RAE1: variants seen among roughly 807,000 people sequenced by gnomAD.
The protein encoded by RAE1 is mRNA export factor RAE1.
A neutral mutation model predicts 52.7 loss-of-function variants in RAE1; 13 were observed. The ratio of observed to expected loss-of-function variants is 0.25; its 90% CI spans 0.16 to 0.39. The LOEUF is 0.39. Among genes scored for constraint, RAE1 ranks in the 10% least tolerant of loss-of-function variants. RAE1 has a pLI of 1.00. For synonymous variants in RAE1, 164 were observed against 153.1 expected (o/e 1.07, Z -0.52); for missense variants, 262 against 459.8 (o/e 0.57, Z 3.93).
intron 11 of RAE1, among the ~76,000 whole-genome samples, chr20:57,376,507 T>G (rs560287368): frequency 1.9e-4 from 29 of 152,230 alleles, no homozygotes; most frequent in Non-Finnish European, 3.1e-4. Context: ...CGCCCCAGCT[T>G]CTTTCCCTCA....
At chr20:57,364,201 G>A (rs1214782220) in intron 4 of RAE1, among the ~76,000 whole-genome samples, 3 of 152,234 alleles carry the variant, frequency 2.0e-5, no homozygotes, top group African/African-American at 4.8e-5. Context: ...TGCAGTTGAA[G>A]CAGGTAGACT....
intron 8 of RAE1, among the ~76,000 whole-genome samples, chr20:57,370,639 T>G (rs2067022899): frequency 6.6e-6 from 1 of 152,232 alleles, no homozygotes; most frequent in African/African-American, 2.4e-5. Flanking sequence ...ATTCTGTAGC[T>G]CTTTATTCAC....
At chr20:57,353,948 T>C in intron 1 of RAE1, 84 bp from the exon 2 acceptor site, 1 of 1,235,924 alleles carries the variant, frequency 8.1e-7, no homozygotes, top group Non-Finnish European at 1.2e-6. Context: ...TGAGTATTTC[T>C]CTTCTGCCAG....
At chr20:57,377,022 GT>G (rs1363505894) in intron 11 of RAE1, among the ~76,000 whole-genome samples, 2 of 152,146 alleles carry the variant, frequency 1.3e-5, no homozygotes, top group Non-Finnish European at 2.9e-5. Context: ...ATTGTTCTTA[GT>G]TCAAGGACAG....
At chr20:57,376,257 C>G (rs1162221368) in intron 11 of RAE1, among the ~76,000 whole-genome samples, 2 of 152,176 alleles carry the variant, frequency 1.3e-5, no homozygotes, top group South Asian at 4.1e-4. Context: ...TTTAAAGCAA[C>G]TTTATTGAGG....
intron 8 of RAE1, 81 bp downstream of exon 8, chr20:57,368,893 T>TGAGC: frequency 8.5e-7 from 1 of 1,181,288 alleles, no homozygotes; most frequent in Non-Finnish European, 1.2e-6. Flanking sequence ...AATACAGTTG[T>TGAGC]ACTTTGTAAA....
chr20:57,374,510 G>C, intron 10 of RAE1, 97 bp from the exon 11 acceptor site: 2 of 1,108,170 alleles, frequency 1.8e-6, no homozygotes, highest in Non-Finnish European at 2.6e-6. Context: ...ATGTACCTGT[G>C]CGCTTTGTTT....
chr20:57,363,546 A>AT (rs1457904278), intron 4 of RAE1, among the ~76,000 whole-genome samples: 2 of 152,154 alleles, frequency 1.3e-5, no homozygotes, highest in Non-Finnish European at 2.9e-5. Flanking sequence ...GCACATCCCT[A>AT]TAGTCCTAGC....
intron 7 of RAE1, 23 bp from the exon 8 acceptor site, chr20:57,368,682 C>G (rs761143767): frequency 6.5e-6 from 10 of 1,541,704 alleles, no homozygotes; most frequent in Admixed American, 5.0e-5. Context: ...TGAAGCGCAT[C>G]TCTGTTTTCT....
chr20:57,377,584 G>A (rs2067134320), intron 11 of RAE1, among the ~76,000 whole-genome samples: 1 of 152,172 alleles, frequency 6.6e-6, no homozygotes, highest in South Asian at 2.1e-4. Context: ...CTCCGTGTCT[G>A]TTGCTCCTTC....
At chr20:57,358,011 C>T (rs563443543) in intron 4 of RAE1, 32 of 152,278 alleles carry the variant, frequency 2.1e-4, no homozygotes, top group African/African-American at 7.5e-4. Flanking sequence ...GAATTAGATG[C>T]TCATCCTGAT....
rs1004649965 is a variant in RAE1 at position 57,375,111 on chromosome 20, G to A, written c.1020+310G>A. ...CACTTTATGAAGGGGGTGGCAGGGC[G>A]GGTCATGGAGCTTTCGCCTGGGTGC... On this transcript the variant is annotated intron_variant, in intron 11 of 11. Coordinates refer to ENST00000395841, the MANE Select transcript of RAE1 (RefSeq NM_003610.4). 7.8e-5 allele frequency: 52 copies of A among 663,362 alleles called. 1 individual carries two copies. The East Asian group carries it at 1.1e-3, about 14-fold the overall frequency. The allele number at this position is 663,362 out of a possible 1,614,324, so 41.1% of individuals were successfully genotyped here. A position where few individuals can be genotyped will look rare whatever the true frequency, so the allele number is the denominator to read the frequency against.
chr20:57,368,846 T>C (rs777615098), intron 8 of RAE1, 34 bp downstream of exon 8: 1 of 1,521,348 alleles, frequency 6.6e-7, no homozygotes, highest in South Asian at 1.1e-5. Context: ...AGTATGTATT[T>C]AGCACCTGTT....
rs777490463 is a variant in RAE1, at chr20:57,373,748, T to TA, written c.825+11dup. 1 of 1,609,958 alleles carries TA rather than the reference T, an allele frequency of 6.2e-7. No homozygotes were observed. Among genetic ancestry groups the TA allele is most frequent in the Non-Finnish European group, 8.5e-7 (1 of 1,176,328 alleles). ...TCAGGACATTTATGCGGTACGTTTT[T>TA]AGACACTTTAACCGTGGTAATACAT... On this transcript the variant is annotated intron_variant, in intron 10 of 11. Transcript: ENST00000395841.
intron 7 of RAE1, 88 bp downstream of exon 7, chr20:57,367,167 G>C (rs1185895767): frequency 1.1e-5 from 13 of 1,149,962 alleles, no homozygotes; most frequent in African/African-American, 3.1e-5. Context: ...GTTAGTGAGT[G>C]GATAATATAA....
Position 57,378,199 on chromosome 20 carries a change from A to G in RAE1, c.*100A>G, listed in dbSNP as rs2067143538. ...CCTTGTTGGGTTGTCAGCCATGGAC[A>G]TGGATTTCAACCCCTGGAGAAAACG... is the stretch of plus-strand genomic sequence containing the variant. On this transcript the variant is annotated 3_prime_UTR_variant, in exon 12 of 12. Coordinates refer to ENST00000395841, the MANE Select transcript of RAE1 (RefSeq NM_003610.4). The G allele has an allele frequency of 6.1e-6, 6 of 988,866 alleles. No homozygotes were observed. The highest frequency in any genetic ancestry group is 1.6e-5 in the South Asian group (1 of 62,296). 61.3% of individuals were successfully genotyped at this position (988,866 alleles called of 1,614,324 possible). A position where few individuals can be genotyped will look rare whatever the true frequency, so the allele number is the denominator to read the frequency against.
intron 3 of RAE1, 57 bp downstream of exon 3, chr20:57,354,873 T>G: frequency 7.6e-7 from 1 of 1,308,960 alleles, no homozygotes; most frequent in East Asian, 2.6e-5. Flanking sequence ...TGGCCAAGGT[T>G]AGCTTTAGCT....
At chr20:57,356,357 T>C (rs13041954) in intron 3 of RAE1, 89 bp from the exon 4 acceptor site, 2 of 959,656 alleles carry the variant, frequency 2.1e-6, no homozygotes, top group Admixed American at 2.1e-5. Context: ...CTATGTATGG[T>C]TAAGGTGTAC....
Position 57,351,371 on chromosome 20 carries a change from C to T in RAE1, c.-59C>T, listed in dbSNP as rs2066705963. The T allele has an allele frequency of 1.0e-6, 1 of 985,440 alleles. No homozygotes were observed. The highest frequency in any genetic ancestry group is 1.7e-5 in the African/African-American group (1 of 57,248). 61.0% of individuals were successfully genotyped at this position (985,440 alleles called of 1,614,324 possible). A position where few individuals can be genotyped will look rare whatever the true frequency, so the allele number is the denominator to read the frequency against. On this transcript the variant is annotated 5_prime_UTR_variant, in exon 1 of 12. Coordinates refer to ENST00000395841, the MANE Select transcript of RAE1 (RefSeq NM_003610.4). Reference sequence around the variant, plus strand: ...CGCGCCAGAGCAGGTTCGCAAACTCCTCAGACCCTTCTGCTCCCGGCCGCC... The same window carrying T: ...CGCGCCAGAGCAGGTTCGCAAACTCTTCAGACCCTTCTGCTCCCGGCCGCC...
Sources: allele counts gnomAD v4.1 joint callset (sites outside exome capture counted in the v4.1 genomes callset), GRCh38; gene constraint gnomAD v4.1.1; transcripts MANE v1.5; gene names NCBI Gene and HGNC (gene_info 2026-07-23, HGNC 2026-07-21).